Variants in HHAT observed in about 807,000 individuals in gnomAD.
HHAT encodes the protein protein-cysteine N-palmitoyltransferase HHAT.
A neutral mutation model predicts 70.8 loss-of-function variants in HHAT; 47 were observed. The observed-to-expected ratio is 0.66, with a 90% CI of 0.53 to 0.85. The LOEUF (loss-of-function observed/expected upper bound fraction) is 0.85. Among genes scored for constraint, HHAT ranks in the 40% least tolerant of loss-of-function variants. The pLI is 0.00. For missense variants in HHAT, 609 were observed against 604.8 expected (o/e 1.01, Z -0.07); for synonymous variants, 228 against 247.6 (o/e 0.92, Z 0.74).
intron 11 of HHAT, among the ~76,000 whole-genome samples, chr1:210,631,859 C>G (rs1455039997): frequency 6.6e-6 from 1 of 152,226 alleles, no homozygotes; most frequent in Non-Finnish European, 1.5e-5. Context: ...GCACTCAAAT[C>G]TTTCAGTTAA....
At chr1:210,377,303 C>G (rs187920127) in intron 3 of HHAT, among the ~76,000 whole-genome samples, 6 of 152,100 alleles carry the variant, frequency 3.9e-5, no homozygotes, top group African/African-American at 1.4e-4. Context: ...TGTTTATCAC[C>G]TTTTTTCATT....
intron 9 of HHAT, among the ~76,000 whole-genome samples, chr1:210,540,493 A>G (rs12068219): frequency 0.069 from 9,853 of 143,584 alleles, 641 homozygotes; most frequent in East Asian, 0.3. Context: ...ACACACACGC[A>G]CACACACATG....
chr1:210,449,425 C>T lies in HHAT; in HGVS notation c.857-15080C>T, dbSNP rs182506929. ...CTTTCTGATCATGCCTTTCCCGTCG[C>T]TGAAGTTGCATCACCATTCCCGTCT... On this transcript the variant is annotated intron_variant, in intron 7 of 11. Coordinates refer to ENST00000261458, the MANE Select transcript of HHAT (RefSeq NM_018194.6). 5.3e-5 allele frequency among the ~76,000 whole-genome samples: 8 copies of T among 152,238 alleles called. No homozygotes were observed. The East Asian group carries it at 1.5e-3, about 29-fold the overall frequency.
At chr1:210,515,280 T>C (rs1161888324) in intron 9 of HHAT, among the ~76,000 whole-genome samples, 1 of 151,542 alleles carries the variant, frequency 6.6e-6, no homozygotes, top group Non-Finnish European at 1.5e-5. Flanking sequence ...CACATGACAG[T>C]GCGCCCCAAC....
At chr1:210,487,846 G>A (rs932369407) in intron 8 of HHAT, among the ~76,000 whole-genome samples, 1 of 152,170 alleles carries the variant, frequency 6.6e-6, no homozygotes, top group Non-Finnish European at 1.5e-5. Flanking sequence ...CCAAGAGACA[G>A]CTTTTATCAC....
chr1:210,591,489 A>G (rs191144049), intron 10 of HHAT, among the ~76,000 whole-genome samples: 55 of 152,234 alleles, frequency 3.6e-4, no homozygotes, highest in South Asian at 1.9e-3. Flanking sequence ...GCTATTGTGA[A>G]TAGTACTACA....
At chr1:210,423,295 G>A (rs1273579834) in intron 7 of HHAT, among the ~76,000 whole-genome samples, 1 of 152,018 alleles carries the variant, frequency 6.6e-6, no homozygotes, top group Non-Finnish European at 1.5e-5. Flanking sequence ...ATCCCATTGT[G>A]GCTCTGATTT....
intron 9 of HHAT, among the ~76,000 whole-genome samples, chr1:210,524,583 A>G (rs752280479): frequency 6.6e-6 from 1 of 152,212 alleles, no homozygotes; most frequent in Non-Finnish European, 1.5e-5. Flanking sequence ...GAACAGCCAG[A>G]CTGTGATGAA....
At chr1:210,537,660 C>T (rs17260515) in intron 9 of HHAT, among the ~76,000 whole-genome samples, 28,473 of 151,936 alleles carry the variant, frequency 0.19, 3,259 homozygotes, top group Middle Eastern at 0.29. Flanking sequence ...AGACAAGCAA[C>T]GAATGGGATA....
chr1:210,511,504 A>T (rs779711755), intron 8 of HHAT, among the ~76,000 whole-genome samples: 1 of 152,170 alleles, frequency 6.6e-6, no homozygotes, highest in Non-Finnish European at 1.5e-5. Flanking sequence ...GTGGCGAGGT[A>T]CCAGGCATGA....
Position 210,329,034 on chromosome 1 carries a change from C to G in HHAT, c.-114C>G, listed in dbSNP as rs1431143988. 1 of 1,425,430 alleles carries G rather than the reference C, an allele frequency of 7.0e-7. No individual in the cohort carries two copies. The highest frequency in any genetic ancestry group is 9.2e-7 in the Non-Finnish European group (1 of 1,091,204). The allele number at this position is 1,425,430 out of a possible 1,614,324, so 88.3% of individuals were successfully genotyped here. A position where few individuals can be genotyped will look rare whatever the true frequency, so the allele number is the denominator to read the frequency against. On this transcript the variant is annotated 5_prime_UTR_variant, in exon 1 of 12. Transcript: ENST00000261458. ...CGATGTCGCTGGGACTCGGAAGTGC[C>G]GAAAGAGGGGTGTTGGGAACTCGCG...
Position 210,487,884 on chromosome 1 carries a change from G to T in HHAT, c.1007+23229G>T, listed in dbSNP as rs144195584. On this transcript the variant is annotated intron_variant, in intron 8 of 11. Coordinates refer to ENST00000261458, the MANE Select transcript of HHAT (RefSeq NM_018194.6). Reference sequence around the variant, plus strand: ...AAGGGACTTTAATCTGCATACCAAGGCAACCTTTATTCACCATCCATTTCC... The same window carrying T: ...AAGGGACTTTAATCTGCATACCAAGTCAACCTTTATTCACCATCCATTTCC... Among the ~76,000 whole-genome samples the T allele has an allele frequency of 1.9e-3, 288 of 152,186 alleles. 10 individuals are homozygous for T. The highest frequency in any genetic ancestry group is 8.8e-4 in the Non-Finnish European group (60 of 68,008).
At chr1:210,352,366 C>A (rs757929895) in intron 2 of HHAT, among the ~76,000 whole-genome samples, 2 of 152,174 alleles carry the variant, frequency 1.3e-5, no homozygotes, top group Admixed American at 6.5e-5. Context: ...TAAGTATGTT[C>A]AACTGATACA....
rs985977626 is a variant in HHAT at position 210,483,582 on chromosome 1, A to G, written c.1007+18927A>G. ...GTAAGGGAGGGTGATGTGAAAATAG[A>G]TTAGTTTCCATTTATGTCTAATAGC... On this transcript the variant is annotated intron_variant, in intron 8 of 11. Coordinates refer to ENST00000261458, the MANE Select transcript of HHAT (RefSeq NM_018194.6). 6.2e-5 allele frequency among the ~76,000 whole-genome samples: 9 copies of G among 145,596 alleles called. No homozygotes were observed. The East Asian group carries it at 1.9e-3, about 31-fold the overall frequency.
chr1:210,445,818 C>G (rs1261170534), intron 7 of HHAT, among the ~76,000 whole-genome samples: 1 of 152,030 alleles, frequency 6.6e-6, no homozygotes, highest in Non-Finnish European at 1.5e-5. Flanking sequence ...GATTCTCCTT[C>G]CCTGCTATCC....
chr1:210,386,795 C>T (rs1044155955), intron 3 of HHAT, among the ~76,000 whole-genome samples: 8 of 152,160 alleles, frequency 5.3e-5, no homozygotes, highest in Non-Finnish European at 1.2e-4. Flanking sequence ...ACCTTCTCCT[C>T]CTGGGGAGCT....
At position 210,494,542 on chromosome 1, in the gene HHAT, C is replaced by CTTTTTTTTTTTTTTTTTTT. The variant is rs71146226; in HGVS notation, c.1008-18602_1008-18584dup. Reference sequence around the variant, plus strand: ...AGATCAGGAGTTCAGTTTGAAATAGCTTTTTTTTTTTTTTTTTTTTTTTTT... The same window carrying CTTTTTTTTTTTTTTTTTTT: ...AGATCAGGAGTTCAGTTTGAAATAGCTTTTTTTTTTTTTTTTTTTTTTTTTTTTTTTTTTTTTTTTTTTT... On this transcript the variant is annotated intron_variant, in intron 8 of 11. Coordinates refer to ENST00000261458, the MANE Select transcript of HHAT (RefSeq NM_018194.6). Among the ~76,000 whole-genome samples, 102 of 82,840 alleles carry CTTTTTTTTTTTTTTTTTTT rather than the reference C, an allele frequency of 1.2e-3. 9 individuals are homozygous for CTTTTTTTTTTTTTTTTTTT. The highest frequency in any genetic ancestry group is 3.9e-3 in the East Asian group (10 of 2,552). 54.3% of individuals were successfully genotyped at this position (82,840 alleles called of 152,430 possible).
intron 7 of HHAT, among the ~76,000 whole-genome samples, chr1:210,450,607 CT>C (rs35916715): frequency 0.012 from 1,679 of 140,790 alleles, 11 homozygotes; most frequent in African/African-American, 0.023. Context: ...CATTGTAAAT[CT>C]TTTTTTTTTT....
chr1:210,534,126 C>T (rs556318673), intron 9 of HHAT, among the ~76,000 whole-genome samples: 9 of 152,314 alleles, frequency 5.9e-5, no homozygotes, highest in Admixed American at 2.0e-4. Flanking sequence ...CGCCCCCCAC[C>T]GCCCCACCAA....
Sources: allele counts gnomAD v4.1 joint callset (sites outside exome capture counted in the v4.1 genomes callset), GRCh38; gene constraint gnomAD v4.1.1; transcripts MANE v1.5; gene names NCBI Gene and HGNC (gene_info 2026-07-23, HGNC 2026-07-21).